Variants in POFUT3 observed in about 807,000 individuals in gnomAD.
The protein encoded by POFUT3 is GDP-fucose protein O-fucosyltransferase 3.
At chr8:33,332,976 A>G in the POFUT3 span, among the ~76,000 whole-genome samples, 16 of 152,330 alleles carry the variant, frequency 1.1e-4, no homozygotes, top group Non-Finnish European at 2.9e-5. Flanking sequence ...CAATCATAGC[A>G]ACCTGAAGTT....
At chr8:33,355,329 T>A in the POFUT3 span, among the ~76,000 whole-genome samples, 1 of 152,192 alleles carries the variant, frequency 6.6e-6, no homozygotes. Flanking sequence ...TTAAAGGTTA[T>A]AAGAGTACAA....
At chr8:33,336,572 T>C in the POFUT3 span, among the ~76,000 whole-genome samples, 1 of 152,040 alleles carries the variant, frequency 6.6e-6, no homozygotes, top group East Asian at 1.9e-4. Flanking sequence ...ACTGGGTCTG[T>C]TGGATTGAGG....
At chr8:33,437,553 G>A in the POFUT3 span, among the ~76,000 whole-genome samples, 1 of 152,182 alleles carries the variant, frequency 6.6e-6, no homozygotes, top group Non-Finnish European at 1.5e-5. Flanking sequence ...GCTCACACCT[G>A]TAATCCCAGC....
At chr8:33,318,464 T>C in the POFUT3 span, among the ~76,000 whole-genome samples, 42,272 of 131,230 alleles carry the variant, frequency 0.32, 7,669 homozygotes, top group East Asian at 0.67. Flanking sequence ...GTATGAATTC[T>C]ATTATATTAT....
At chr8:33,359,530 C>G in the POFUT3 span, among the ~76,000 whole-genome samples, 1 of 152,134 alleles carries the variant, frequency 6.6e-6, no homozygotes, top group Non-Finnish European at 1.5e-5. Context: ...GAGGTTCCAG[C>G]TAGAGTTCAG....
At chr8:33,366,247 G>A in the POFUT3 span, among the ~76,000 whole-genome samples, 1 of 152,270 alleles carries the variant, frequency 6.6e-6, no homozygotes, top group South Asian at 2.1e-4. Flanking sequence ...TCACACACCA[G>A]GGCCTGTCGG....
At chr8:33,348,284 G>A in the POFUT3 span, among the ~76,000 whole-genome samples, 1 of 145,146 alleles carries the variant, frequency 6.9e-6, no homozygotes, top group African/African-American at 2.5e-5. Flanking sequence ...ACCAGTGAAG[G>A]AAACTGAAGA....
the POFUT3 span, among the ~76,000 whole-genome samples, chr8:33,424,092 T>C: frequency 3.0e-4 from 45 of 150,542 alleles, 1 homozygote; most frequent in South Asian, 7.0e-3. Flanking sequence ...TGAGCCAAGA[T>C]CGCACCACTG....
the POFUT3 span, among the ~76,000 whole-genome samples, chr8:33,320,777 G>A: frequency 6.6e-6 from 1 of 152,062 alleles, no homozygotes; most frequent in African/African-American, 2.4e-5. Flanking sequence ...TAGACTTCAT[G>A]GCAGCTGAGT....
At chr8:33,417,935 G>A in the POFUT3 span, among the ~76,000 whole-genome samples, 1 of 152,064 alleles carries the variant, frequency 6.6e-6, no homozygotes, top group African/African-American at 2.4e-5. Context: ...CTGAACTCCC[G>A]CAATCCTAGC....
chr8:33,410,627 G>C, the POFUT3 span, among the ~76,000 whole-genome samples: 1 of 152,070 alleles, frequency 6.6e-6, no homozygotes, highest in South Asian at 2.1e-4. Flanking sequence ...GGGTGTGTGC[G>C]TGTGTGTATG....
the POFUT3 span, among the ~76,000 whole-genome samples, chr8:33,319,633 T>C: frequency 3.9e-5 from 2 of 51,344 alleles, no homozygotes; most frequent in Non-Finnish European, 6.5e-5. Context: ...ATATATTTTA[T>C]ATATATTTAT....
the POFUT3 span, among the ~76,000 whole-genome samples, chr8:33,367,122 C>T: frequency 1.9e-3 from 287 of 152,214 alleles, 3 homozygotes; most frequent in Non-Finnish European, 2.4e-3. Flanking sequence ...GAACAAGTCC[C>T]CCAAAATCTG....
chr8:33,451,641 T>C, the POFUT3 span: 1 of 151,902 alleles, frequency 6.6e-6, no homozygotes, highest in Non-Finnish European at 1.5e-5. Context: ...TACGTGTATA[T>C]GTGTATGAAC....
At chr8:33,345,055 C>A in the POFUT3 span, among the ~76,000 whole-genome samples, 1 of 152,170 alleles carries the variant, frequency 6.6e-6, no homozygotes, top group Non-Finnish European at 1.5e-5. Flanking sequence ...GCCAACAGGG[C>A]ATATTTTTAT....
the POFUT3 span, among the ~76,000 whole-genome samples, chr8:33,352,188 C>T: frequency 6.6e-6 from 1 of 152,140 alleles, no homozygotes; most frequent in East Asian, 1.9e-4. Flanking sequence ...CATCAAATAG[C>T]CATGAAATTT....
chr8:33,446,587 C>T, the POFUT3 span, among the ~76,000 whole-genome samples: 5 of 152,018 alleles, frequency 3.3e-5, no homozygotes, highest in African/African-American at 1.2e-4. Context: ...TTTCTCATTT[C>T]TTGGATGGTC....
chr8:33,472,690 G>A, the POFUT3 span, among the ~76,000 whole-genome samples: 1 of 152,204 alleles, frequency 6.6e-6, no homozygotes, highest in Non-Finnish European at 1.5e-5. Context: ...GGACGGCCGC[G>A]GACCTGGGGA....
the POFUT3 span, among the ~76,000 whole-genome samples, chr8:33,396,575 G>A: frequency 6.6e-6 from 1 of 152,052 alleles, no homozygotes; most frequent in Non-Finnish European, 1.5e-5. Flanking sequence ...CATCCATCTG[G>A]TGATAATGTA....
Sources: gnomAD v4.1 joint callset for allele counts (sites outside exome capture counted in the v4.1 genomes callset) on GRCh38, gnomAD v4.1.1 for gene constraint, MANE v1.5 for transcripts, NCBI Gene and HGNC (gene_info 2026-07-23, HGNC 2026-07-21) for gene names.